MOCS2: variants seen among roughly 807,000 people sequenced by gnomAD.
MOCS2 encodes molybdopterin synthase catalytic subunit.
In MOCS2, 13 loss-of-function variants were observed where a neutral mutation model predicts 21.9. The ratio of observed to expected loss-of-function variants is 0.59; its 90% confidence interval spans 0.39 to 0.94. The LOEUF is 0.94. Among genes scored for constraint, MOCS2 ranks in the 40% least tolerant of loss-of-function variants. The probability of loss-of-function intolerance (pLI) is 0.00; values close to 1 mark genes in which losing one functional copy is unlikely to be tolerated. For synonymous variants in MOCS2, 92 were observed against 80.8 expected (o/e 1.14, Z -0.74); for missense variants, 227 against 218.3 (o/e 1.04, Z -0.25).
In MOCS2 at chr5:53,109,535, G is replaced by C; in HGVS notation, c.-454C>G. The C allele has an allele frequency of 7.6e-7, 1 of 1,311,030 alleles. No homozygotes were observed. The highest frequency in any genetic ancestry group is 9.9e-7 in the Non-Finnish European group (1 of 1,010,848). The allele number at this position is 1,311,030 out of a possible 1,614,324, so 81.2% of individuals were successfully genotyped here. A position where few individuals can be genotyped will look rare whatever the true frequency, so the allele number is the denominator to read the frequency against. ...TGGGGCAGTCGCAGTAAAGCCCGGA[G>C]ACAGGAAGGGCCCGGGGGCGGGGGC... On this transcript the variant is annotated 5_prime_UTR_variant, in exon 1 of 7. Transcript: ENST00000396954.
rs1397238812 is a variant in MOCS2, at chr5:53,101,352, A to G, written c.377+7T>C. 3.1e-6 allele frequency: 5 copies of G among 1,613,510 alleles called. No individual in the cohort carries two copies. The East Asian group carries it at 1.1e-4, about 36-fold the overall frequency. ...CTTAACTTTTAGAGTGATAAAGGAA[A>G]TCATACCCAAGTCTATGGAACACTG... On this transcript the variant is annotated splice_region_variant and intron_variant, in intron 5 of 6. Transcript: ENST00000396954.
At position 53,099,184 on chromosome 5, in the gene MOCS2, C is replaced by G. The variant is rs138396791; in HGVS notation, c.502-517G>C. On this transcript the variant is annotated intron_variant, in intron 6 of 6. Coordinates refer to ENST00000396954, the MANE Select transcript of MOCS2 (RefSeq NM_004531.5). ...TTCCATTTCTGTAGGGAGAGGAATT[C>G]AAATTCAACTGTCCTCTGAACTCCT... Among the ~76,000 whole-genome samples the G allele has an allele frequency of 2.0e-5, 3 of 152,314 alleles. No individual in the cohort carries two copies. In the East Asian group the frequency reaches 5.8e-4, roughly 29 times the overall value.
At position 53,101,520 on chromosome 5, in the gene MOCS2, G is replaced by GA. The variant is rs755333047; in HGVS notation, c.227-12dup. 9.4e-5 allele frequency: 143 copies of GA among 1,529,178 alleles called. No homozygotes were observed. In the Middle Eastern group the frequency reaches 1.2e-3, roughly 13 times the overall value. 94.7% of individuals were successfully genotyped at this position (1,529,178 alleles called of 1,614,324 possible). ...TATTTCTTGTAGTCCCTTTAAAAAT[G>GA]AAAAAAAAGAAAAAGAAAACAATTA... On this transcript the variant is annotated splice_polypyrimidine_tract_variant and intron_variant, in intron 4 of 6. Coordinates refer to ENST00000396954, the MANE Select transcript of MOCS2 (RefSeq NM_004531.5).
At chr5:53,108,345 C>T (rs1282863107) in intron 2 of MOCS2, among the ~76,000 whole-genome samples, 177 bp downstream of exon 2, 1 of 152,198 alleles carries the variant, frequency 6.6e-6, no homozygotes, top group Non-Finnish European at 1.5e-5. Context: ...ATATCTTTAA[C>T]CTTTCTTAAA....
Position 53,101,998 on chromosome 5 carries a change from T to G in MOCS2, c.226+99A>C, listed in dbSNP as rs1740923556. On this transcript the variant is annotated intron_variant, in intron 4 of 6. Transcript: ENST00000396954. ...ATCATCGGTAATCTTGGTTTAAAGT[T>G]CAGTATTTCAAACTCCTCCGTTAAC... is the stretch of plus-strand genomic sequence containing the variant. 3 of 1,304,196 alleles carry G rather than the reference T, an allele frequency of 2.3e-6. No individual in the cohort carries two copies. In the Admixed American group the frequency reaches 5.6e-5, roughly 24 times the overall value. The allele number at this position is 1,304,196 out of a possible 1,614,324, so 80.8% of individuals were successfully genotyped here.
At chr5:53,103,484 A>G (rs1434722250) in intron 3 of MOCS2, among the ~76,000 whole-genome samples, 1 of 152,238 alleles carries the variant, frequency 6.6e-6, no homozygotes, top group Non-Finnish European at 1.5e-5. Context: ...GCAAAACCCC[A>G]GGTAAGTAAC....
Position 53,097,788 on chromosome 5 carries a change from AG to A in MOCS2, c.*813del, listed in dbSNP as rs1740788323. ...AAATAAAGCTGGAAAAAAAAATTTAAGAACTATATGGGACTTATATGTACAA... is the reference window on the plus strand; with the variant it reads ...AAATAAAGCTGGAAAAAAAAATTTAAAACTATATGGGACTTATATGTACAA... On this transcript the variant is annotated 3_prime_UTR_variant, in exon 7 of 7. Coordinates refer to ENST00000396954, the MANE Select transcript of MOCS2 (RefSeq NM_004531.5). The A allele has an allele frequency of 6.6e-6, 1 of 152,238 alleles. No individual in the cohort carries two copies. The highest frequency in any genetic ancestry group is 2.1e-4 in the South Asian group (1 of 4,830). The allele number at this position is 152,238 out of a possible 1,614,324, so 9.4% of individuals were successfully genotyped here.
intron 5 of MOCS2, 197 bp downstream of exon 5, chr5:53,101,162 A>T: frequency 1.6e-6 from 1 of 633,496 alleles, no homozygotes; most frequent in Non-Finnish European, 2.8e-6. Context: ...CAGAGGCAAC[A>T]AGAGCTCTCC....
At position 53,109,480 on chromosome 5, in the gene MOCS2, A is replaced by C. The variant is rs1741144686; in HGVS notation, c.-399T>G. 4 of 1,317,918 alleles carry C rather than the reference A, an allele frequency of 3.0e-6. No homozygotes were observed. Among genetic ancestry groups the C allele is most frequent in the Admixed American group, 3.6e-5 (1 of 28,092 alleles). 81.6% of individuals were successfully genotyped at this position (1,317,918 alleles called of 1,614,324 possible). A position where few individuals can be genotyped will look rare whatever the true frequency, so the allele number is the denominator to read the frequency against. ...TCCGTCCTTGCTGCCGTGAGCTGACAAGAGTTCTCGGAGAGGACCCGACTT... is the reference window on the plus strand; with the variant it reads ...TCCGTCCTTGCTGCCGTGAGCTGACCAGAGTTCTCGGAGAGGACCCGACTT... On this transcript the variant is annotated 5_prime_UTR_variant, in exon 1 of 7. Transcript: ENST00000396954.
chr5:53,108,662 CT>C lies in MOCS2; in HGVS notation c.-169-20del. On this transcript the variant is annotated intron_variant, in intron 1 of 6. Transcript: ENST00000396954. ...CTTCAACCTGAAAGTAAAGAAAATG[CT>C]TTTAATAACAACTCATACTCGTTTT... 1 of 1,610,196 alleles carries C rather than the reference CT, an allele frequency of 6.2e-7. No individual in the cohort carries two copies. Among genetic ancestry groups the C allele is most frequent in the South Asian group, 1.1e-5 (1 of 90,120 alleles).
Position 53,098,559 on chromosome 5 carries a change from A to C in MOCS2, c.*43T>G. 2.6e-6 allele frequency: 4 copies of C among 1,517,720 alleles called. No homozygotes were observed. Among genetic ancestry groups the C allele is most frequent in the Non-Finnish European group, 3.7e-6 (4 of 1,092,418 alleles). 94.0% of individuals were successfully genotyped at this position (1,517,720 alleles called of 1,614,324 possible). ...AAATCAAAATGTGATCAATAATAAT[A>C]GTTTAACAAAGTTAAGATTGCATGC... On this transcript the variant is annotated 3_prime_UTR_variant, in exon 7 of 7. Transcript: ENST00000396954.
chr5:53,104,470 T>A (rs3797469), intron 3 of MOCS2, among the ~76,000 whole-genome samples: 1 of 152,148 alleles, frequency 6.6e-6, no homozygotes, highest in African/African-American at 2.4e-5. Flanking sequence ...CCTTTAATGG[T>A]AGCCTATAGT....
In MOCS2 at chr5:53,106,448, A is replaced by T. The variant is rs547162502; in HGVS notation, c.98+629T>A. Among the ~76,000 whole-genome samples, 13 of 152,338 alleles carry T rather than the reference A, an allele frequency of 8.5e-5. No homozygotes were observed. In the East Asian group the frequency reaches 2.5e-3, roughly 29 times the overall value. On this transcript the variant is annotated intron_variant, in intron 3 of 6. Transcript: ENST00000396954. ...TTATCCTTAGCCAACTAATGCGGGA[A>T]CAGAAAACCAAATACCAAACGTTCT...
Position 53,101,385 on chromosome 5 carries a change from T to C in MOCS2, c.351A>G (p.Lys117=), listed in dbSNP as rs908604588. The C allele has an allele frequency of 6.2e-7, 1 of 1,613,974 alleles. No homozygotes were observed. Among genetic ancestry groups the C allele is most frequent in the African/African-American group, 1.3e-5 (1 of 75,048 alleles). ...CAAGTCTATGGAACACTGCTATGTG[T>C]TTGACTGGCCATTTCTGCCTAATGT... ...CSDIRQKWPV[K]HIAVFHRLGL... Residue 117 remains lysine, a synonymous_variant, in exon 5 of 7, where the codon AAA becomes AAG. Coordinates refer to ENST00000396954, the MANE Select transcript of MOCS2 (RefSeq NM_004531.5).
chr5:53,101,729 C>T (rs984260299), intron 4 of MOCS2, among the ~76,000 whole-genome samples: 1 of 152,130 alleles, frequency 6.6e-6, no homozygotes, highest in Non-Finnish European at 1.5e-5. Context: ...ATTAAGCAAG[C>T]TTACTAAAAA....
Position 53,096,453 on chromosome 5 carries a change from G to C in MOCS2, c.*2149C>G, listed in dbSNP as rs1350958694. 6.6e-6 allele frequency: 1 copy of C among 152,168 alleles called. No homozygotes were observed. Among genetic ancestry groups the C allele is most frequent in the Non-Finnish European group, 1.5e-5 (1 of 68,028 alleles). 9.4% of individuals were successfully genotyped at this position (152,168 alleles called of 1,614,324 possible). On this transcript the variant is annotated 3_prime_UTR_variant, in exon 7 of 7. Transcript: ENST00000396954. ...AATCATGCAAAGTCACGGCTTTAAAGTGACCAAGAAACACTGCAGGCAATC... is the reference window on the plus strand; with the variant it reads ...AATCATGCAAAGTCACGGCTTTAAACTGACCAAGAAACACTGCAGGCAATC...
chr5:53,100,707 C>G, intron 5 of MOCS2, 173 bp from the exon 6 acceptor site: 1 of 663,114 alleles, frequency 1.5e-6, no homozygotes, highest in Non-Finnish European at 2.5e-6. Flanking sequence ...TAGCATTCAG[C>G]AGAGGCAGTA....
rs1411416305 is a variant in MOCS2, at chr5:53,097,265, G to A, written c.*1337C>T. ...TAAAGTCAGTGTGGCTGTCCTATGG[G>A]TCCCAGCCACAGATAAGATGCAGAG... On this transcript the variant is annotated 3_prime_UTR_variant, in exon 7 of 7. Coordinates refer to ENST00000396954, the MANE Select transcript of MOCS2 (RefSeq NM_004531.5). 6.6e-6 allele frequency: 1 copy of A among 152,198 alleles called. No individual in the cohort carries two copies. Among genetic ancestry groups the A allele is most frequent in the Non-Finnish European group, 1.5e-5 (1 of 68,050 alleles). 9.4% of individuals were successfully genotyped at this position (152,198 alleles called of 1,614,324 possible). A position where few individuals can be genotyped will look rare whatever the true frequency, so the allele number is the denominator to read the frequency against.
rs370558285 is a variant in MOCS2 at position 53,102,472 on chromosome 5, AG to A, written c.99-249del. On this transcript the variant is annotated intron_variant, in intron 3 of 6. Transcript: ENST00000396954. ...GTTGCAAGCAGGTTTGTAAAGGCAA[AG>A]GGAACAAAAAGTGGGCTGATACAAT... is the stretch of plus-strand genomic sequence containing the variant. 2.4e-4 allele frequency among the ~76,000 whole-genome samples: 37 copies of A among 152,200 alleles called. No homozygotes were observed. In the East Asian group the frequency reaches 6.8e-3, roughly 28 times the overall value.
Sources: gnomAD v4.1 joint callset for allele counts (sites outside exome capture counted in the v4.1 genomes callset) on GRCh38, gnomAD v4.1.1 for gene constraint, MANE v1.5 for transcripts, NCBI Gene and HGNC (gene_info 2026-07-23, HGNC 2026-07-21) for gene names.